TMED4: variants seen among roughly 807,000 people sequenced by gnomAD.
TMED4 encodes the protein transmembrane p24 trafficking protein 4.
In TMED4, 19 loss-of-function variants were observed where a neutral mutation model predicts 26.5. The observed-to-expected ratio is 0.72, with a 90% confidence interval of 0.50 to 1.05. The LOEUF (loss-of-function observed/expected upper bound fraction) is 1.05, where lower values mean the gene tolerates loss of function less well. TMED4 is among the 50% of genes least tolerant of loss of function. The pLI, the probability that TMED4 is intolerant of heterozygous loss-of-function variation, is 0.00. For missense variants in TMED4, 303 were observed against 302.5 expected, an observed-to-expected ratio of 1.00 and a Z score of -0.01; for synonymous variants, 121 against 119.8, an observed-to-expected ratio of 1.01 and a Z score of -0.07.
At chr7:44,579,877 A>G in intron 4 of TMED4, 1 of 350,384 alleles carries the variant, frequency 2.9e-6, no homozygotes, top group Non-Finnish European at 5.1e-6. Context: ...CAAGAAAAAC[A>G]GGTAGGCAAT....
At position 44,579,426 on chromosome 7, in the gene TMED4, G is replaced by A; in HGVS notation, c.*53C>T. On this transcript the variant is annotated 3_prime_UTR_variant, in exon 5 of 5. Transcript: ENST00000457408. ...AATCCAGGTGGATAAAGGACTGTGT[G>A]GGGAAAGTACCAAATAAATGAGGTA... is the stretch of plus-strand genomic sequence containing the variant. 1 of 1,535,330 alleles carries A rather than the reference G, an allele frequency of 6.5e-7. No individual in the cohort carries two copies. Among genetic ancestry groups the A allele is most frequent in the Non-Finnish European group, 8.9e-7 (1 of 1,120,636 alleles).
chr7:44,580,351 G>C (rs1202518218), intron 4 of TMED4: 1 of 152,544 alleles, frequency 6.6e-6, no homozygotes, highest in African/African-American at 2.4e-5. Flanking sequence ...GGTGGCACTT[G>C]CCTGTAATCC....
intron 1 of TMED4, 27 bp downstream of exon 1, chr7:44,582,020 G>A (rs1310702478): frequency 1.9e-6 from 3 of 1,542,290 alleles, no homozygotes; most frequent in Middle Eastern, 1.7e-4. Context: ...GGGTACAAAG[G>A]GCCTCCCCAC....
rs1467665778 is a variant in TMED4 at position 44,578,116 on chromosome 7, T to G, written c.*1363A>C. Reference sequence around the variant, plus strand: ...GAACATGTGGTCTATTTGGTTGACCTTTGCAAATAGTTGAACAACCACACC... The same window carrying G: ...GAACATGTGGTCTATTTGGTTGACCGTTGCAAATAGTTGAACAACCACACC... On this transcript the variant is annotated 3_prime_UTR_variant, in exon 5 of 5. Coordinates refer to ENST00000457408, the MANE Select transcript of TMED4 (RefSeq NM_182547.4). 1 of 152,162 alleles carries G rather than the reference T, an allele frequency of 6.6e-6. No individual in the cohort carries two copies. Among genetic ancestry groups the G allele is most frequent in the Admixed American group, 6.5e-5 (1 of 15,276 alleles). 9.4% of individuals were successfully genotyped at this position (152,162 alleles called of 1,614,324 possible).
At position 44,581,494 on chromosome 7, in the gene TMED4, C is replaced by T. The variant is rs1412933922; in HGVS notation, c.342G>A (p.Leu114=). ...SHTPGDHQIC[L]HSNSTRMALF... is the part of the protein sequence containing the mutation. ...GAGCCATCCTGGTAGAATTGGAGTGCAGACAGATTTGATGGTCACCGGGCG... is the reference window on the plus strand; with the variant it reads ...GAGCCATCCTGGTAGAATTGGAGTGTAGACAGATTTGATGGTCACCGGGCG... Residue 114 remains leucine (L), a synonymous_variant, in exon 3 of 5, where the codon CTG becomes CTA. Coordinates refer to ENST00000457408, the MANE Select transcript of TMED4 (RefSeq NM_182547.4). 2 of 1,614,222 alleles carry T rather than the reference C, an allele frequency of 1.2e-6. No individual in the cohort carries two copies. Among genetic ancestry groups the T allele is most frequent in the Middle Eastern group, 1.6e-4 (1 of 6,062 alleles).
Position 44,581,261 on chromosome 7 carries a change from A to T in TMED4, c.388-22T>A, listed in dbSNP as rs1802981672. On this transcript the variant is annotated intron_variant, in intron 3 of 4. Coordinates refer to ENST00000457408, the MANE Select transcript of TMED4 (RefSeq NM_182547.4). Reference sequence around the variant, plus strand: ...CCCGCTACAAGGAAACATGGAATGTATGAGTGGTGGGGCCTCCAGTTGTCT... The same window carrying T: ...CCCGCTACAAGGAAACATGGAATGTTTGAGTGGTGGGGCCTCCAGTTGTCT... The T allele has an allele frequency of 1.9e-6, 3 of 1,613,442 alleles. No individual in the cohort carries two copies. In the Admixed American group the frequency reaches 5.0e-5, roughly 27 times the overall value.
chr7:44,581,942 G>C, intron 1 of TMED4, 105 bp downstream of exon 1: 2 of 1,541,920 alleles, frequency 1.3e-6, no homozygotes, highest in African/African-American at 1.4e-5. Context: ...GCACCCTCAG[G>C]CTAGGTACTG....
Position 44,582,109 on chromosome 7 carries a change from T to G in TMED4, c.98A>C (p.His33Pro). ...CATGAQGLYF[H>P]IGETEKRCFI... ...ACAGCGCTTCTCGGTCTCGCCGATG[T>G]GGAAGTAGAGCCCCTGGGCGCCTGT... Residue 33 changes from histidine to proline, a missense_variant, in exon 1 of 5, where the codon CAC becomes CCC. By Grantham distance (77) the His-to-Pro change is moderately conservative. Coordinates refer to ENST00000457408, the MANE Select transcript of TMED4 (RefSeq NM_182547.4). 6.4e-7 allele frequency: 1 copy of G among 1,560,574 alleles called. No homozygotes were observed. Among genetic ancestry groups the G allele is most frequent in the Non-Finnish European group, 8.7e-7 (1 of 1,152,620 alleles).
chr7:44,580,813 G>A (rs1346951182), intron 4 of TMED4: 6 of 305,394 alleles, frequency 2.0e-5, no homozygotes. Flanking sequence ...CAGGCATGGT[G>A]GCGCATGCCT....
chr7:44,580,242 G>A (rs1005808276), intron 4 of TMED4: 1 of 152,416 alleles, frequency 6.6e-6, no homozygotes, highest in African/African-American at 2.4e-5. Flanking sequence ...ACTTTGGGAG[G>A]CTGCGGCAGT....
chr7:44,582,011 G>A, intron 1 of TMED4, 36 bp downstream of exon 1: 1 of 1,534,162 alleles, frequency 6.5e-7, no homozygotes, highest in Non-Finnish European at 8.8e-7. Flanking sequence ...GGCTGAGCTG[G>A]GTACAAAGGG....
chr7:44,579,987 A>G (rs1802930747), intron 4 of TMED4: 1 of 171,402 alleles, frequency 5.8e-6, no homozygotes. Context: ...ACAATGGAAT[A>G]TTAGCCTTAA....
rs1454065468 is a variant in TMED4 at position 44,581,586 on chromosome 7, G to T, written c.262-12C>A. 6.2e-7 allele frequency: 1 copy of T among 1,614,176 alleles called. No homozygotes were observed. Among genetic ancestry groups the T allele is most frequent in the Non-Finnish European group, 8.5e-7 (1 of 1,180,034 alleles). ...CGGGACAGCACCACCTGCAACATATGTGAGTGAAGGCCCCACCTTTATACC... is the reference window on the plus strand; with the variant it reads ...CGGGACAGCACCACCTGCAACATATTTGAGTGAAGGCCCCACCTTTATACC... On this transcript the variant is annotated splice_polypyrimidine_tract_variant and intron_variant, in intron 2 of 4. Transcript: ENST00000457408.
chr7:44,581,402 AAC>A, intron 3 of TMED4, 45 bp downstream of exon 3: 1 of 1,612,490 alleles, frequency 6.2e-7, no homozygotes, highest in Non-Finnish European at 8.5e-7. Flanking sequence ...AAAATTTGGA[AAC>A]AAGTGAGAGA....
At chr7:44,581,916 G>A in intron 1 of TMED4, 93 bp from the exon 2 acceptor site, 3 of 1,570,894 alleles carry the variant, frequency 1.9e-6, no homozygotes, top group South Asian at 1.1e-5. Context: ...TAGGCAGGGG[G>A]CCTGGCGTCC....
chr7:44,581,163 T>C lies in TMED4; in HGVS notation c.464A>G (p.Glu155Gly), dbSNP rs775259694. 3 of 1,614,006 alleles carry C rather than the reference T, an allele frequency of 1.9e-6. No homozygotes were observed. Among genetic ancestry groups the C allele is most frequent in the Admixed American group, 3.3e-5 (2 of 59,978 alleles). ...PEIAAKDKLTELQLRARQLLD... is the reference protein window; with the variant it reads ...PEIAAKDKLTGLQLRARQLLD... ...CAACTGGCGGGCGCGGAGCTGTAGC[T>C]CCGTCAGCTTATCTTTTGCAGCAAT... Residue 155 changes from glutamate (E) to glycine (G), a missense_variant, in exon 4 of 5, where the codon GAG becomes GGG. By Grantham distance (98) the Glu-to-Gly change is moderately conservative. Transcript: ENST00000457408.
chr7:44,581,244 A>G lies in TMED4; in HGVS notation c.388-5T>C. 2 of 1,614,064 alleles carry G rather than the reference A, an allele frequency of 1.2e-6. No individual in the cohort carries two copies. The highest frequency in any genetic ancestry group is 1.7e-6 in the Non-Finnish European group (2 of 1,179,954). The stretch of plus-strand genomic sequence containing the variant: ...CTGGATGTCGAGATGCACCCGCTAC[A>G]AGGAAACATGGAATGTATGAGTGGT... On this transcript the variant is annotated splice_polypyrimidine_tract_variant and splice_region_variant and intron_variant, in intron 3 of 4. Transcript: ENST00000457408.
rs1353127881 is a variant in TMED4 at position 44,577,934 on chromosome 7, T to C, written c.*1545A>G. 3 of 151,868 alleles carry C rather than the reference T, an allele frequency of 2.0e-5. No individual in the cohort carries two copies. The highest frequency in any genetic ancestry group is 7.3e-5 in the African/African-American group (3 of 41,370). The allele number at this position is 151,868 out of a possible 1,614,324, so 9.4% of individuals were successfully genotyped here. ...CAGATAATTTAATAAATATTTCAAA[T>C]AAATATATAATAAAAACTGAAATAA... On this transcript the variant is annotated 3_prime_UTR_variant, in exon 5 of 5. Coordinates refer to ENST00000457408, the MANE Select transcript of TMED4 (RefSeq NM_182547.4).
At chr7:44,580,934 G>A in intron 4 of TMED4, 159 bp downstream of exon 4, 1 of 800,312 alleles carries the variant, frequency 1.2e-6, no homozygotes, top group Non-Finnish European at 1.9e-6. Context: ...GGCAACAAGA[G>A]TGAAACTCCG....
Sources: gnomAD v4.1 joint callset for allele counts on GRCh38, gnomAD v4.1.1 for gene constraint, MANE v1.5 for transcripts, NCBI Gene and HGNC (gene_info 2026-07-23, HGNC 2026-07-21) for gene names.